CNTNAP2: variants seen among roughly 807,000 people sequenced by gnomAD.
CNTNAP2 encodes contactin associated protein 2.
Under a neutral mutation model 155.2 loss-of-function variants are expected in CNTNAP2, and 98 were observed. The observed-to-expected ratio is 0.63, with a 90% CI of 0.54 to 0.75. CNTNAP2 has a LOEUF of 0.75. Among genes scored for constraint, CNTNAP2 ranks in the 30% least tolerant of loss-of-function variants. The pLI, the probability that CNTNAP2 is intolerant of heterozygous loss-of-function variation, is 0.00. For missense variants in CNTNAP2, 1,727 were observed against 1,688.1 expected (o/e 1.02, Z -0.40); for synonymous variants, 651 against 631.2 (o/e 1.03, Z -0.47).
rs1322013272 is a variant in CNTNAP2, at chr7:146,914,735, C to T, written c.402+74831C>T. ...TTTATAGATTATAAAGATTTTCTCC[C>T]ACTCTGTGGGTTGTCTCTTCACTCT... is the stretch of plus-strand genomic sequence containing the variant. On this transcript the variant is annotated intron_variant, in intron 3 of 23. Transcript: ENST00000361727. 3.9e-5 allele frequency among the ~76,000 whole-genome samples: 6 copies of T among 152,258 alleles called. 1 individual carries two copies. In the South Asian group the frequency reaches 1.2e-3, roughly 32 times the overall value.
At chr7:147,518,030 C>T (rs1341507166) in intron 11 of CNTNAP2, among the ~76,000 whole-genome samples, 2 of 152,102 alleles carry the variant, frequency 1.3e-5, no homozygotes, top group African/African-American at 2.4e-5. Flanking sequence ...CTCCTGGGCT[C>T]GAGTGATCCT....
intron 13 of CNTNAP2, among the ~76,000 whole-genome samples, chr7:147,728,806 TA>T (rs1211543809): frequency 6.6e-6 from 1 of 151,890 alleles, no homozygotes; most frequent in Non-Finnish European, 1.5e-5. Context: ...CAACTGATAT[TA>T]TGGGCCTAGA....
chr7:146,362,057 T>A (rs1795089981), intron 1 of CNTNAP2, among the ~76,000 whole-genome samples: 1 of 152,224 alleles, frequency 6.6e-6, no homozygotes, highest in African/African-American at 2.4e-5. Context: ...TCTTTATGCA[T>A]GGTTTTGTGT....
intron 6 of CNTNAP2, 126 bp downstream of exon 6, chr7:147,121,289 C>A: frequency 2.2e-6 from 2 of 911,166 alleles, no homozygotes; most frequent in Admixed American, 2.7e-5. Context: ...AAACAAGACA[C>A]TGACAATTTT....
intron 4 of CNTNAP2, among the ~76,000 whole-genome samples, chr7:147,073,782 GA>G (rs1475171959): frequency 1.3e-5 from 2 of 152,116 alleles, no homozygotes; most frequent in Non-Finnish European, 2.9e-5. Flanking sequence ...TATTGTCCAG[GA>G]AATTAGTAAA....
chr7:148,179,433 G>A (rs1794996895), intron 18 of CNTNAP2, among the ~76,000 whole-genome samples: 1 of 152,050 alleles, frequency 6.6e-6, no homozygotes, highest in African/African-American at 2.4e-5. Flanking sequence ...CTTGAGCTCA[G>A]GAGGTCAAGG....
chr7:147,753,798 G>A (rs754032481), intron 13 of CNTNAP2, among the ~76,000 whole-genome samples: 1 of 152,076 alleles, frequency 6.6e-6, no homozygotes, highest in African/African-American at 2.4e-5. Flanking sequence ...ACAAACTAAA[G>A]GATGAATTAG....
chr7:146,246,310 T>C (rs1307528626), intron 1 of CNTNAP2, among the ~76,000 whole-genome samples: 1 of 150,898 alleles, frequency 6.6e-6, no homozygotes, highest in East Asian at 1.9e-4. Context: ...GTAGCTGTAA[T>C]CCAGGAATAG....
intron 8 of CNTNAP2, among the ~76,000 whole-genome samples, chr7:147,142,219 A>G (rs1801612140): frequency 6.6e-6 from 1 of 152,110 alleles, no homozygotes; most frequent in African/African-American, 2.4e-5. Flanking sequence ...TTTGTCATAG[A>G]CAGCTCTTAT....
At chr7:147,891,301 T>C (rs1261202759) in intron 13 of CNTNAP2, among the ~76,000 whole-genome samples, 2 of 151,176 alleles carry the variant, frequency 1.3e-5, no homozygotes, top group Non-Finnish European at 2.9e-5. Flanking sequence ...GCCTCCCGGG[T>C]TCAAGCGATT....
intron 21 of CNTNAP2, among the ~76,000 whole-genome samples, chr7:148,284,379 T>C (rs1000714224): frequency 2.6e-5 from 4 of 152,140 alleles, no homozygotes; most frequent in Non-Finnish European, 5.9e-5. Context: ...CCTGCTGCCA[T>C]GTAAGATGTG....
At chr7:146,260,210 A>G in intron 1 of CNTNAP2, among the ~76,000 whole-genome samples, 1 of 152,222 alleles carries the variant, frequency 6.6e-6, no homozygotes, top group East Asian at 1.9e-4. Flanking sequence ...ACATAAGGAA[A>G]CATCTGGATG....
At chr7:148,319,402 C>A (rs1797751179) in intron 21 of CNTNAP2, among the ~76,000 whole-genome samples, 1 of 151,954 alleles carries the variant, frequency 6.6e-6, no homozygotes, top group African/African-American at 2.4e-5. Context: ...TATCAAAACT[C>A]TTTGTTTTTT....
intron 8 of CNTNAP2, among the ~76,000 whole-genome samples, chr7:147,254,170 C>T (rs1206924947): frequency 1.3e-5 from 2 of 152,166 alleles, no homozygotes; most frequent in African/African-American, 2.4e-5. Context: ...GTGCAAGACA[C>T]AGTCTGTTCT....
chr7:146,831,504 T>C (rs1803511042), intron 2 of CNTNAP2, among the ~76,000 whole-genome samples: 1 of 151,436 alleles, frequency 6.6e-6, no homozygotes, highest in South Asian at 2.1e-4. Context: ...GGTGAAACCG[T>C]GTCTCTACTA....
chr7:146,691,524 A>T (rs1037505486), intron 1 of CNTNAP2, among the ~76,000 whole-genome samples: 1 of 152,168 alleles, frequency 6.6e-6, no homozygotes, highest in Admixed American at 6.6e-5. Flanking sequence ...TAAAACGCAG[A>T]GTTGTATGGG....
chr7:147,585,832 T>C (rs1800609516), intron 12 of CNTNAP2, among the ~76,000 whole-genome samples: 1 of 152,104 alleles, frequency 6.6e-6, no homozygotes, highest in Non-Finnish European at 1.5e-5. Context: ...TGTATGTGTT[T>C]ATATATAATA....
intron 1 of CNTNAP2, among the ~76,000 whole-genome samples, chr7:146,246,081 A>C (rs575685789): frequency 8.6e-5 from 13 of 151,792 alleles, no homozygotes; most frequent in African/African-American, 2.9e-4. Flanking sequence ...TGTAGCAGGC[A>C]AGTGATAGCA....
intron 8 of CNTNAP2, among the ~76,000 whole-genome samples, chr7:147,157,187 C>T (rs1325578882): frequency 2.0e-5 from 3 of 152,018 alleles, no homozygotes; most frequent in African/African-American, 7.2e-5. Context: ...CCTCCAGGTC[C>T]CCAAAATATA....
Sources: gnomAD v4.1 joint callset for allele counts (sites outside exome capture counted in the v4.1 genomes callset) on GRCh38, gnomAD v4.1.1 for gene constraint, MANE v1.5 for transcripts, NCBI Gene and HGNC (gene_info 2026-07-23, HGNC 2026-07-21) for gene names.